DOCK5: variants seen among roughly 807,000 people sequenced by gnomAD.
The protein encoded by DOCK5 is dedicator of cytokinesis 5.
Under a neutral mutation model 251.8 loss-of-function variants are expected in DOCK5, and 142 were observed. That is an observed-to-expected ratio of 0.56 (90% confidence interval 0.49 to 0.65). The LOEUF (loss-of-function observed/expected upper bound fraction) is 0.65, where lower values mean the gene tolerates loss of function less well. Among genes scored for constraint, DOCK5 ranks in the 30% least tolerant of loss-of-function variants. DOCK5 has a pLI of 0.00. For missense variants in DOCK5, 2,111 were observed against 2,312.3 expected, an observed-to-expected ratio of 0.91 and a Z score of 1.79; for synonymous variants, 842 against 835.5, an observed-to-expected ratio of 1.01 and a Z score of -0.13.
chr8:25,285,802 A>T (rs1804317546), intron 5 of DOCK5, among the ~76,000 whole-genome samples: 2 of 152,172 alleles, frequency 1.3e-5, no homozygotes, highest in Non-Finnish European at 1.5e-5. Context: ...TCCCATAGCA[A>T]ACTTTGTCCT....
intron 2 of DOCK5, among the ~76,000 whole-genome samples, chr8:25,245,749 A>G (rs1179650550): frequency 1.3e-5 from 2 of 152,100 alleles, no homozygotes; most frequent in Non-Finnish European, 2.9e-5. Context: ...CATGTTGGCC[A>G]GCCTGGTCTT....
intron 6 of DOCK5, 145 bp from the exon 7 acceptor site, chr8:25,296,368 A>T: frequency 1.9e-6 from 2 of 1,032,912 alleles, no homozygotes; most frequent in Non-Finnish European, 2.7e-6. Flanking sequence ...AACTGAAATG[A>T]GAAAAGTCAA....
chr8:25,332,295 A>G lies in DOCK5; in HGVS notation c.1948A>G (p.Ile650Val), dbSNP rs970703258. 2 of 1,613,646 alleles carry G rather than the reference A, an allele frequency of 1.2e-6. No individual in the cohort carries two copies. The highest frequency in any genetic ancestry group is 1.3e-5 in the African/African-American group (1 of 75,022). ...AAATTGGCGTTCCAACTCCCAGAAC[A>G]TTAAACACAACCTAAAGAAGTTAAT... ...LLNWRSNSQN[I>V]KHNLKKLMEV... The change falls in exon 19 of 52, where the codon ATT (isoleucine) becomes GTT (valine). Residue 650 changes from isoleucine (I) to valine (V), a missense_variant. Ile to Val is a conservative substitution (Grantham distance 29). Around this residue, in one of 3 missense-constraint regions of DOCK5, gnomAD observed 1,717 missense variants for 1,892.4 expected, o/e 0.91. Transcript: ENST00000276440.
intron 1 of DOCK5, among the ~76,000 whole-genome samples, chr8:25,241,316 A>T (rs1346321838): frequency 6.6e-6 from 1 of 152,004 alleles, no homozygotes; most frequent in African/African-American, 2.4e-5. Flanking sequence ...CTCTACTAAA[A>T]ACACAAAAAA....
At chr8:25,394,628 C>A (rs1801315386) in intron 44 of DOCK5, among the ~76,000 whole-genome samples, 1 of 152,036 alleles carries the variant, frequency 6.6e-6, no homozygotes, top group South Asian at 2.1e-4. Flanking sequence ...GATCTGATAT[C>A]CTGCTGTTCT....
At chr8:25,287,248 A>G (rs1459866248) in intron 5 of DOCK5, among the ~76,000 whole-genome samples, 1 of 152,224 alleles carries the variant, frequency 6.6e-6, no homozygotes, top group Non-Finnish European at 1.5e-5. Flanking sequence ...CCAGTATGGC[A>G]AAACACTGTC....
intron 45 of DOCK5, among the ~76,000 whole-genome samples, chr8:25,399,432 A>G (rs1330251899): frequency 6.6e-6 from 1 of 152,194 alleles, no homozygotes; most frequent in Non-Finnish European, 1.5e-5. Context: ...ATTAACCTTC[A>G]CTTAATATAG....
intron 22 of DOCK5, 56 bp from the exon 23 acceptor site, chr8:25,340,821 T>G: frequency 6.9e-7 from 1 of 1,439,394 alleles, no homozygotes; most frequent in Non-Finnish European, 9.6e-7. Flanking sequence ...CAAATCTATT[T>G]TAAAATTTCT....
intron 5 of DOCK5, among the ~76,000 whole-genome samples, chr8:25,280,592 A>G (rs1400079661): frequency 6.6e-6 from 1 of 152,212 alleles, no homozygotes; most frequent in Non-Finnish European, 1.5e-5. Context: ...TGTATTTTCT[A>G]AACATAGCAA....
chr8:25,292,376 T>C (rs1217461629), intron 6 of DOCK5, among the ~76,000 whole-genome samples: 1 of 152,146 alleles, frequency 6.6e-6, no homozygotes, highest in East Asian at 1.9e-4. Flanking sequence ...GTTGGATCTC[T>C]GATCCCATGG....
intron 10 of DOCK5, among the ~76,000 whole-genome samples, chr8:25,303,503 A>G (rs1480108189): frequency 1.3e-5 from 2 of 152,186 alleles, no homozygotes; most frequent in Non-Finnish European, 2.9e-5. Flanking sequence ...AACGCCCAGC[A>G]TCTTCCTCTG....
At chr8:25,191,387 A>G (rs1801578620) in intron 1 of DOCK5, among the ~76,000 whole-genome samples, 1 of 152,208 alleles carries the variant, frequency 6.6e-6, no homozygotes, top group Non-Finnish European at 1.5e-5. Context: ...CCACGCTTCC[A>G]AGTGTTTTTG....
intron 28 of DOCK5, 117 bp downstream of exon 28, chr8:25,359,178 T>A: frequency 1.2e-6 from 1 of 811,792 alleles, no homozygotes; most frequent in Non-Finnish European, 2.1e-6. Flanking sequence ...TCCGGTGCTA[T>A]GTGGCTGTCC....
chr8:25,282,714 G>GA, intron 5 of DOCK5, among the ~76,000 whole-genome samples: 1 of 151,904 alleles, frequency 6.6e-6, no homozygotes, highest in African/African-American at 2.4e-5. Flanking sequence ...GCTGGGCACA[G>GA]TGGCACATAC....
intron 10 of DOCK5, among the ~76,000 whole-genome samples, chr8:25,303,387 T>C (rs1804818582): frequency 6.6e-6 from 1 of 152,200 alleles, no homozygotes; most frequent in Admixed American, 6.5e-5. Context: ...CGCTGGGAAG[T>C]GGTTTGCCGG....
At chr8:25,249,594 T>C (rs1318185209) in intron 2 of DOCK5, among the ~76,000 whole-genome samples, 2 of 152,154 alleles carry the variant, frequency 1.3e-5, no homozygotes, top group Non-Finnish European at 2.9e-5. Flanking sequence ...GCATCAGGAC[T>C]TCATCTCTCT....
chr8:25,405,309 AT>A (rs1453133913), intron 48 of DOCK5, among the ~76,000 whole-genome samples: 1 of 151,758 alleles, frequency 6.6e-6, no homozygotes, highest in Non-Finnish European at 1.5e-5. Flanking sequence ...ACTATTTACA[AT>A]TTTGTCTGTA....
At chr8:25,229,982 G>T (rs1272504907) in intron 1 of DOCK5, among the ~76,000 whole-genome samples, 1 of 152,056 alleles carries the variant, frequency 6.6e-6, no homozygotes, top group Non-Finnish European at 1.5e-5. Flanking sequence ...ACTTTATTCA[G>T]GTCATAGTTT....
At chr8:25,338,026 C>A (rs1459545947) in intron 22 of DOCK5, among the ~76,000 whole-genome samples, 1 of 151,886 alleles carries the variant, frequency 6.6e-6, no homozygotes, top group African/African-American at 2.4e-5. Context: ...GTTGTTGTTT[C>A]TTTAGAGTTT....
Sources: gnomAD v4.1 joint callset for allele counts (sites outside exome capture counted in the v4.1 genomes callset) on GRCh38, gnomAD v4.1.1 for gene constraint, gnomAD v4.1.1 regional missense constraint, MANE v1.5 for transcripts, NCBI Gene and HGNC (gene_info 2026-07-23, HGNC 2026-07-21) for gene names.